Variants in THRAP3 observed in about 807,000 individuals in gnomAD.
THRAP3 encodes thyroid hormone receptor associated protein 3.
THRAP3 carries 16 observed loss-of-function variants against 101.0 expected under a neutral mutation model. The ratio of observed to expected loss-of-function variants is 0.16; its 90% confidence interval spans 0.11 to 0.24. The LOEUF (loss-of-function observed/expected upper bound fraction) is 0.24, where lower values mean the gene tolerates loss of function less well. Among genes scored for constraint, THRAP3 ranks in the 10% least tolerant of loss-of-function variants. THRAP3 has a pLI of 1.00. For missense variants in THRAP3, 989 were observed against 1,202.7 expected (o/e 0.82, Z 2.63); for synonymous variants, 407 against 422.6 (o/e 0.96, Z 0.45).
intron 1 of THRAP3, among the ~76,000 whole-genome samples, chr1:36,254,864 C>G (rs1645353071): frequency 6.6e-6 from 1 of 152,168 alleles, no homozygotes; most frequent in Non-Finnish European, 1.5e-5. Flanking sequence ...TAGATTTGGT[C>G]TGTGTGCCTT....
chr1:36,264,913 C>T (rs1024509140), intron 2 of THRAP3, among the ~76,000 whole-genome samples: 4 of 152,202 alleles, frequency 2.6e-5, no homozygotes, highest in South Asian at 2.1e-4. Flanking sequence ...ATCAAGGTGT[C>T]GGCAGGATTG....
intron 2 of THRAP3, among the ~76,000 whole-genome samples, chr1:36,265,459 CTTTTTT>C (rs60539096): frequency 1.0e-4 from 11 of 104,836 alleles, no homozygotes; most frequent in South Asian, 3.2e-4. Flanking sequence ...AGACAGGAAA[CTTTTTT>C]TTTTTTTTTT....
the THRAP3 span, among the ~76,000 whole-genome samples, chr1:36,214,200 T>C: frequency 6.6e-6 from 1 of 152,116 alleles, no homozygotes; most frequent in Non-Finnish European, 1.5e-5. Context: ...CTTTCAGGAG[T>C]TGGCTCTCCG....
intron 2 of THRAP3, among the ~76,000 whole-genome samples, chr1:36,276,373 A>G (rs1645660621): frequency 1.3e-5 from 2 of 151,822 alleles, no homozygotes; most frequent in Non-Finnish European, 2.9e-5. Flanking sequence ...AAATACAAAA[A>G]ATTAGCCAGC....
chr1:36,261,282 C>T (rs933310666), intron 2 of THRAP3, among the ~76,000 whole-genome samples: 1 of 151,642 alleles, frequency 6.6e-6, no homozygotes, highest in Non-Finnish European at 1.5e-5. Context: ...CCTGTAATCC[C>T]AGCACTTTGG....
intron 1 of THRAP3, among the ~76,000 whole-genome samples, chr1:36,248,288 G>C (rs1447480097): frequency 6.6e-6 from 1 of 151,800 alleles, no homozygotes; most frequent in Non-Finnish European, 1.5e-5. Context: ...TTTATTTGTT[G>C]GTGGCTTTGA....
chr1:36,226,918 C>G (rs1028387238), intron 1 of THRAP3, among the ~76,000 whole-genome samples: 5 of 152,080 alleles, frequency 3.3e-5, no homozygotes, highest in Admixed American at 2.6e-4. Context: ...AGCAAATAAA[C>G]TACAAATTGA....
chr1:36,288,127 C>T (rs1431162127), intron 4 of THRAP3: 8 of 984,262 alleles, frequency 8.1e-6, no homozygotes, highest in Non-Finnish European at 9.6e-6. Context: ...TCTGTACTTG[C>T]CTTCAGTAAG....
chr1:36,228,830 G>T (rs140857539), intron 1 of THRAP3, among the ~76,000 whole-genome samples: 100 of 152,222 alleles, frequency 6.6e-4, no homozygotes, highest in African/African-American at 2.3e-3. Context: ...ATATAATGCA[G>T]CTTTATAATC....
intron 1 of THRAP3, among the ~76,000 whole-genome samples, chr1:36,248,185 C>A (rs1223014514): frequency 6.6e-6 from 1 of 152,084 alleles, no homozygotes; most frequent in East Asian, 1.9e-4. Context: ...CAGCCTCCTT[C>A]ATCTTTTAAT....
chr1:36,208,282 C>G, the THRAP3 span, among the ~76,000 whole-genome samples: 8 of 152,172 alleles, frequency 5.3e-5, 1 homozygote, highest in Admixed American at 1.3e-4. Context: ...TGGACCTTCC[C>G]TGTAAGGTAA....
chr1:36,276,686 G>A (rs539978706), intron 2 of THRAP3, among the ~76,000 whole-genome samples: 4 of 151,442 alleles, frequency 2.6e-5, no homozygotes, highest in East Asian at 4.0e-4. Flanking sequence ...GTGAAACCCC[G>A]TCTCTATTAA....
chr1:36,255,191 A>G (rs545967149), intron 1 of THRAP3, among the ~76,000 whole-genome samples: 2 of 152,178 alleles, frequency 1.3e-5, no homozygotes, highest in Non-Finnish European at 2.9e-5. Flanking sequence ...AATTGCTATC[A>G]TCATGCTTTT....
At chr1:36,298,661 G>T (rs1024561940) in intron 9 of THRAP3, among the ~76,000 whole-genome samples, 3 of 151,886 alleles carry the variant, frequency 2.0e-5, no homozygotes, top group Admixed American at 2.0e-4. Flanking sequence ...CATGATGCCC[G>T]GCTAATTTTT....
chr1:36,237,409 A>C (rs1303131797), intron 1 of THRAP3, among the ~76,000 whole-genome samples: 1 of 148,526 alleles, frequency 6.7e-6, no homozygotes, highest in Non-Finnish European at 1.5e-5. Context: ...CAGAGGTTGC[A>C]GTTAGCCAAA....
chr1:36,282,575 A>G lies in THRAP3; in HGVS notation c.12A>G (p.Thr4=). 1 of 1,614,108 alleles carries G rather than the reference A, an allele frequency of 6.2e-7. No homozygotes were observed. The highest frequency in any genetic ancestry group is 8.5e-7 in the Non-Finnish European group (1 of 1,179,996). Reference sequence around the variant, plus strand: ...TCCTCTCTTCAGAGATGTCAAAAACAAACAAATCCAAGTCTGGATCTCGCT... The same window carrying G: ...TCCTCTCTTCAGAGATGTCAAAAACGAACAAATCCAAGTCTGGATCTCGCT... MSK[T]NKSKSGSRSS... The change falls in exon 3 of 12, where the codon ACA becomes ACG. Residue 4 remains threonine (T), a synonymous_variant. Coordinates refer to ENST00000354618, the MANE Select transcript of THRAP3 (RefSeq NM_005119.4).
intron 2 of THRAP3, among the ~76,000 whole-genome samples, chr1:36,263,973 G>T (rs1645480743): frequency 6.6e-6 from 1 of 152,216 alleles, no homozygotes; most frequent in African/African-American, 2.4e-5. Context: ...TGTGACACAT[G>T]CTAATTTAGC....
At chr1:36,245,805 C>T (rs929949493) in intron 1 of THRAP3, among the ~76,000 whole-genome samples, 1 of 152,150 alleles carries the variant, frequency 6.6e-6, no homozygotes, top group African/African-American at 2.4e-5. Context: ...GTTATATTTG[C>T]TTTTCCAGCT....
chr1:36,267,649 A>AAAAATTAAAAAACTAACTCGGCTG lies in THRAP3; in HGVS notation c.-32+8165_-32+8166insAAAATTAAAAAACTAACTCGGCTG, dbSNP rs1557432612. On this transcript the variant is annotated intron_variant, in intron 2 of 11. Transcript: ENST00000354618. ...AGAAAGCAATTAGTAATAGTCAAAC[A>AAAAATTAAAAAACTAACTCGGCTG]GGAGGCCAGAGCAGATTCTTTTGTT... 1.0e-3 allele frequency among the ~76,000 whole-genome samples: 72 copies of AAAAATTAAAAAACTAACTCGGCTG among 69,414 alleles called. 1 individual carries two copies. Among genetic ancestry groups the AAAAATTAAAAAACTAACTCGGCTG allele is most frequent in the South Asian group, 2.3e-3 (4 of 1,710 alleles). The allele number at this position is 69,414 out of a possible 152,430, so 45.5% of individuals were successfully genotyped here. A position where few individuals can be genotyped will look rare whatever the true frequency, so the allele number is the denominator to read the frequency against.
Sources: gnomAD v4.1 joint callset for allele counts (sites outside exome capture counted in the v4.1 genomes callset) on GRCh38, gnomAD v4.1.1 for gene constraint, MANE v1.5 for transcripts, NCBI Gene and HGNC (gene_info 2026-07-23, HGNC 2026-07-21) for gene names.